The following CPEB3 variants were observed in gnomAD, a reference collection of about 807,000 sequenced individuals.
CPEB3 encodes the protein cytoplasmic polyadenylation element-binding protein 3.
Under a neutral mutation model 67.2 loss-of-function variants are expected in CPEB3, and 20 were observed. That is an observed-to-expected ratio of 0.30 (90% CI 0.21 to 0.43). The LOEUF is 0.43. Ranked by LOEUF, CPEB3 falls within the 20% of genes least tolerant of loss-of-function variation. The pLI is 1.00. For synonymous variants in CPEB3, 376 were observed against 393.1 expected, an observed-to-expected ratio of 0.96 and a Z score of 0.51; for missense variants, 746 against 968.6, an observed-to-expected ratio of 0.77 and a Z score of 3.05.
chr10:92,109,299 T>C (rs778365210), intron 7 of CPEB3, among the ~76,000 whole-genome samples: 18 of 150,928 alleles, frequency 1.2e-4, no homozygotes, highest in Non-Finnish European at 2.5e-4. Flanking sequence ...GTCGCCCAGG[T>C]TGGAATGCAA....
At chr10:92,159,752 A>T (rs549359913) in intron 4 of CPEB3, among the ~76,000 whole-genome samples, 10 of 152,308 alleles carry the variant, frequency 6.6e-5, no homozygotes, top group African/African-American at 2.4e-4. Context: ...TTTCAGCCGG[A>T]TAGTTGAAAT....
chr10:92,057,893 G>A (rs1263493847), intron 9 of CPEB3, among the ~76,000 whole-genome samples: 1 of 152,174 alleles, frequency 6.6e-6, no homozygotes, highest in Non-Finnish European at 1.5e-5. Context: ...ACTGGGCATG[G>A]GTGACCCCTA....
At chr10:92,281,488 G>T (rs1469568330) in intron 1 of CPEB3, among the ~76,000 whole-genome samples, 1 of 151,978 alleles carries the variant, frequency 6.6e-6, no homozygotes, top group Non-Finnish European at 1.5e-5. Context: ...CCCTTTCTGT[G>T]GGTTGCTGTT....
chr10:92,183,051 T>C (rs1404580639), intron 3 of CPEB3, among the ~76,000 whole-genome samples: 1 of 152,072 alleles, frequency 6.6e-6, no homozygotes, highest in East Asian at 1.9e-4. Flanking sequence ...TCAAACCTTA[T>C]TAGGAAAAAA....
chr10:92,186,462 T>G (rs1848696382), intron 3 of CPEB3, among the ~76,000 whole-genome samples: 1 of 150,442 alleles, frequency 6.6e-6, no homozygotes, highest in Non-Finnish European at 1.5e-5. Flanking sequence ...TTAGATGGAG[T>G]CTCGCTCTGT....
At chr10:92,215,270 T>C (rs1359577280) in intron 2 of CPEB3, among the ~76,000 whole-genome samples, 1 of 151,618 alleles carries the variant, frequency 6.6e-6, no homozygotes, top group Non-Finnish European at 1.5e-5. Flanking sequence ...CTCCTGCCTC[T>C]GCCTCCTAAG....
intron 2 of CPEB3, among the ~76,000 whole-genome samples, chr10:92,210,846 T>G (rs1850045214): frequency 6.6e-6 from 1 of 151,762 alleles, no homozygotes; most frequent in Admixed American, 6.6e-5. Flanking sequence ...GAGACCAGCC[T>G]GGCCAAGATG....
chr10:92,231,150 G>A (rs2134561108), intron 2 of CPEB3, among the ~76,000 whole-genome samples: 1 of 152,208 alleles, frequency 6.6e-6, no homozygotes, highest in Non-Finnish European at 1.5e-5. Flanking sequence ...TCCACCATTA[G>A]TGTGACATGT....
At chr10:92,192,357 C>A in intron 3 of CPEB3, 120 bp downstream of exon 3, 2 of 962,016 alleles carry the variant, frequency 2.1e-6, no homozygotes, top group Non-Finnish European at 3.1e-6. Context: ...TTCCACAATG[C>A]TTTACAGAAG....
intron 9 of CPEB3, among the ~76,000 whole-genome samples, chr10:92,068,458 G>C (rs983038504): frequency 2.6e-5 from 4 of 152,128 alleles, no homozygotes; most frequent in African/African-American, 9.7e-5. Context: ...TAGCCTATGA[G>C]GGGTTTCAAC....
intron 2 of CPEB3, among the ~76,000 whole-genome samples, chr10:92,235,305 G>A (rs1851475323): frequency 6.6e-6 from 1 of 152,172 alleles, no homozygotes; most frequent in Non-Finnish European, 1.5e-5. Flanking sequence ...AATTAGCCAG[G>A]TGTGGTGGCG....
intron 4 of CPEB3, among the ~76,000 whole-genome samples, chr10:92,168,831 T>TG (rs1847871631): frequency 1.3e-5 from 2 of 150,420 alleles, no homozygotes; most frequent in South Asian, 4.3e-4. Flanking sequence ...GTTTTGCTCT[T>TG]GTTGCCCAGG....
At chr10:92,189,492 A>G (rs1234463056) in intron 3 of CPEB3, among the ~76,000 whole-genome samples, 1 of 152,182 alleles carries the variant, frequency 6.6e-6, no homozygotes, top group African/African-American at 2.4e-5. Context: ...TTTAACAATA[A>G]GAACACTGAG....
chr10:92,270,859 C>T (rs927959138), intron 1 of CPEB3, among the ~76,000 whole-genome samples: 3 of 151,912 alleles, frequency 2.0e-5, no homozygotes, highest in Non-Finnish European at 2.9e-5. Flanking sequence ...CGTGCACCAC[C>T]GGGTCTGACC....
At chr10:92,246,111 G>A (rs1185728588) in intron 1 of CPEB3, among the ~76,000 whole-genome samples, 3 of 151,590 alleles carry the variant, frequency 2.0e-5, no homozygotes, top group Admixed American at 6.6e-5. Flanking sequence ...CAAGGCAGGC[G>A]GATCACGAGG....
intron 6 of CPEB3, among the ~76,000 whole-genome samples, chr10:92,139,333 G>T (rs190670615): frequency 2.1e-4 from 32 of 151,186 alleles, no homozygotes; most frequent in South Asian, 6.3e-4. Context: ...ATACACAGTG[G>T]AGTAGTATTC....
At chr10:92,256,874 C>T (rs1183873804) in intron 1 of CPEB3, among the ~76,000 whole-genome samples, 1 of 152,224 alleles carries the variant, frequency 6.6e-6, no homozygotes, top group African/African-American at 2.4e-5. Context: ...GTTTACACAT[C>T]TGCCTTTCCT....
intron 1 of CPEB3, among the ~76,000 whole-genome samples, chr10:92,241,287 C>T (rs947561613): frequency 7.2e-6 from 1 of 139,038 alleles, no homozygotes. Context: ...TCAGAGAGTG[C>T]GCGCGAGCGA....
At chr10:92,282,360 C>T (rs1039560330) in intron 1 of CPEB3, among the ~76,000 whole-genome samples, 16 of 152,126 alleles carry the variant, frequency 1.1e-4, no homozygotes, top group Admixed American at 3.3e-4. Flanking sequence ...GCAAGTGAAG[C>T]CTCTCTCTAG....
Sources: gnomAD v4.1 joint callset for allele counts (sites outside exome capture counted in the v4.1 genomes callset) on GRCh38, gnomAD v4.1.1 for gene constraint, MANE v1.5 for transcripts, NCBI Gene and HGNC (gene_info 2026-07-23, HGNC 2026-07-21) for gene names.